The following APBA1 variants were observed in gnomAD, a reference collection of about 807,000 sequenced individuals.
The protein encoded by APBA1 is amyloid-beta A4 precursor protein-binding family A member 1.
Under a neutral mutation model 86.6 loss-of-function variants are expected in APBA1, and 55 were observed. The ratio of observed to expected loss-of-function variants is 0.64; its 90% CI spans 0.51 to 0.80. The LOEUF (loss-of-function observed/expected upper bound fraction) is 0.80, where lower values mean the gene tolerates loss of function less well. APBA1 is among the 30% of genes least tolerant of loss of function. The pLI, the probability that APBA1 is intolerant of heterozygous loss-of-function variation, is 0.00. For missense variants in APBA1, 1,090 were observed against 1,183.0 expected (o/e 0.92, Z 1.15); for synonymous variants, 511 against 493.9 (o/e 1.03, Z -0.46).
At chr9:69,520,390 C>T (rs1399059313) in intron 1 of APBA1, among the ~76,000 whole-genome samples, 5 of 152,074 alleles carry the variant, frequency 3.3e-5, no homozygotes, top group Admixed American at 6.5e-5. Context: ...AGGTAACATA[C>T]CTTTTGCCCC....
At chr9:69,442,914 C>A (rs1834848996) in intron 10 of APBA1, among the ~76,000 whole-genome samples, 1 of 152,206 alleles carries the variant, frequency 6.6e-6, no homozygotes, top group Non-Finnish European at 1.5e-5. Flanking sequence ...GGTACCCTGC[C>A]TGGCAGAGGC....
At chr9:69,496,414 C>T (rs1394562816) in intron 2 of APBA1, among the ~76,000 whole-genome samples, 1 of 152,098 alleles carries the variant, frequency 6.6e-6, no homozygotes, top group Non-Finnish European at 1.5e-5. Context: ...CACAAAGGGC[C>T]TGTGAACAAT....
intron 1 of APBA1, among the ~76,000 whole-genome samples, chr9:69,594,556 A>G (rs1261126884): frequency 6.6e-6 from 1 of 152,216 alleles, no homozygotes; most frequent in East Asian, 1.9e-4. Context: ...TTTGGATGAC[A>G]TTATAGAGGA....
intron 1 of APBA1, among the ~76,000 whole-genome samples, chr9:69,584,842 A>T (rs1821986775): frequency 6.6e-6 from 1 of 152,190 alleles, no homozygotes; most frequent in African/African-American, 2.4e-5. Flanking sequence ...AAACAAAGGA[A>T]TGATCATTTC....
At chr9:69,471,151 T>G (rs557867725) in intron 4 of APBA1, among the ~76,000 whole-genome samples, 3 of 152,252 alleles carry the variant, frequency 2.0e-5, no homozygotes, top group Admixed American at 6.5e-5. Context: ...CAATTAGTTA[T>G]TACATGGGAG....
intron 3 of APBA1, among the ~76,000 whole-genome samples, chr9:69,475,402 C>T (rs1835427019): frequency 6.6e-6 from 1 of 152,176 alleles, no homozygotes; most frequent in South Asian, 2.1e-4. Flanking sequence ...AGGCTAATGA[C>T]TACCATAGTG....
intron 11 of APBA1, among the ~76,000 whole-genome samples, chr9:69,440,685 CCTTT>C (rs1186419491): frequency 6.6e-6 from 1 of 152,116 alleles, no homozygotes; most frequent in Non-Finnish European, 1.5e-5. Context: ...GTCTGTCACC[CCTTT>C]CTTTGACTAG....
chr9:69,588,124 C>T (rs918179877), intron 1 of APBA1, among the ~76,000 whole-genome samples: 3 of 151,512 alleles, frequency 2.0e-5, no homozygotes, highest in Admixed American at 6.6e-5. Context: ...GTGGGAATGA[C>T]ATTTGAACAG....
intron 2 of APBA1, among the ~76,000 whole-genome samples, chr9:69,492,827 G>T (rs1835735794): frequency 6.6e-6 from 1 of 152,060 alleles, no homozygotes; most frequent in Non-Finnish European, 1.5e-5. Flanking sequence ...CAACTTTAAT[G>T]AGTTCCAATA....
At chr9:69,633,033 G>A (rs1427671062) in intron 1 of APBA1, among the ~76,000 whole-genome samples, 1 of 149,984 alleles carries the variant, frequency 6.7e-6, no homozygotes, top group African/African-American at 2.4e-5. Context: ...CTGCCAGGCT[G>A]CCCTCCCTAA....
chr9:69,549,782 G>A (rs1482343616), intron 1 of APBA1, among the ~76,000 whole-genome samples: 1 of 152,186 alleles, frequency 6.6e-6, no homozygotes, highest in Non-Finnish European at 1.5e-5. Context: ...ACTTTGAGGT[G>A]GATAGAAACA....
Position 69,652,460 on chromosome 9 carries a change from A to C in APBA1, c.-70+19693T>G, listed in dbSNP as rs530922644. Among the ~76,000 whole-genome samples the C allele has an allele frequency of 6.7e-4, 102 of 152,282 alleles. No homozygotes were observed. The South Asian group carries it at 0.02, about 30-fold the overall frequency. On this transcript the variant is annotated intron_variant, in intron 1 of 12. Coordinates refer to ENST00000265381, the MANE Select transcript of APBA1 (RefSeq NM_001163.4). ...TGTGTGTGTGTTTCCTCTGGTCACAATGTGGCTGCACAGAAGCAGCCTGTC... is the reference window on the plus strand; with the variant it reads ...TGTGTGTGTGTTTCCTCTGGTCACACTGTGGCTGCACAGAAGCAGCCTGTC...
intron 1 of APBA1, among the ~76,000 whole-genome samples, chr9:69,548,111 A>T (rs1836726111): frequency 6.6e-6 from 1 of 152,220 alleles, no homozygotes; most frequent in South Asian, 2.1e-4. Context: ...AAGAGGAAAG[A>T]TTCAAAACAT....
Position 69,467,902 on chromosome 9 carries a change from G to C in APBA1, c.1403C>G (p.Ser468Cys). 6.2e-7 allele frequency: 1 copy of C among 1,614,144 alleles called. No homozygotes were observed. The highest frequency in any genetic ancestry group is 1.1e-5 in the South Asian group (1 of 91,070). The stretch of plus-strand genomic sequence containing the variant: ...AGTTTTGTCTGAGAGCAGCTGAGTG[G>C]AGCCAAGGTAATTGGCGGCAAAAAT... ...GIIFAANYLGSTQLLSDKTPS... is the reference protein window; with the variant it reads ...GIIFAANYLGCTQLLSDKTPS... The change falls in exon 5 of 13, where the codon TCC becomes TGC. Residue 468 changes from serine to cysteine, a missense_variant. Transcript: ENST00000265381.
intron 3 of APBA1, chr9:69,474,433 A>T (rs955188975): frequency 6.6e-6 from 1 of 152,270 alleles, no homozygotes; most frequent in Non-Finnish European, 1.5e-5. Context: ...TTTAAGAATT[A>T]AATGAGACAC....
chr9:69,488,646 G>A (rs1489748370), intron 2 of APBA1, among the ~76,000 whole-genome samples: 1 of 152,140 alleles, frequency 6.6e-6, no homozygotes, highest in East Asian at 1.9e-4. Context: ...TGCCAAGACG[G>A]GCAAGGGGTG....
intron 1 of APBA1, among the ~76,000 whole-genome samples, chr9:69,663,765 G>T (rs1823795868): frequency 6.6e-6 from 1 of 152,286 alleles, no homozygotes; most frequent in Admixed American, 6.5e-5. Context: ...AACTTAGTGT[G>T]TAGGGATTGG....
At chr9:69,636,914 GGAAGGAAGGAAAGAAAGAAA>G (rs1399080076) in intron 1 of APBA1, among the ~76,000 whole-genome samples, 25 of 98,712 alleles carry the variant, frequency 2.5e-4, no homozygotes, top group African/African-American at 9.5e-4. Context: ...AAGGAAGGAA[GGAAGGAAGGAAAGAAAGAAA>G]GAAAGAAAGA....
chr9:69,596,054 C>T (rs1379738302), intron 1 of APBA1, among the ~76,000 whole-genome samples: 2 of 152,132 alleles, frequency 1.3e-5, no homozygotes, highest in Non-Finnish European at 2.9e-5. Flanking sequence ...GTGGTGTGAT[C>T]ATAGCTCACT....
Sources: gnomAD v4.1 joint callset for allele counts (sites outside exome capture counted in the v4.1 genomes callset) on GRCh38, gnomAD v4.1.1 for gene constraint, MANE v1.5 for transcripts, NCBI Gene and HGNC (gene_info 2026-07-23, HGNC 2026-07-21) for gene names.